Variants in DEPDC1B observed in about 807,000 individuals in gnomAD.
DEPDC1B encodes the protein DEP domain containing 1B.
Under a neutral mutation model 66.5 loss-of-function variants are expected in DEPDC1B, and 51 were observed. That is an observed-to-expected ratio of 0.77 (90% confidence interval 0.61 to 0.97). DEPDC1B has a LOEUF of 0.97. Ranked by LOEUF, DEPDC1B falls within the 50% of genes least tolerant of loss-of-function variation. The pLI is 0.00. For missense variants in DEPDC1B, 552 were observed against 637.1 expected (o/e 0.87, Z 1.44); for synonymous variants, 226 against 223.6 (o/e 1.01, Z -0.10).
chr5:60,635,799 G>A (rs1274459102), intron 7 of DEPDC1B, among the ~76,000 whole-genome samples: 2 of 152,088 alleles, frequency 1.3e-5, no homozygotes, highest in Non-Finnish European at 2.9e-5. Context: ...ACAGAAATAT[G>A]AATTCTGATG....
At chr5:60,632,444 G>A (rs1044303174) in intron 7 of DEPDC1B, among the ~76,000 whole-genome samples, 2 of 152,224 alleles carry the variant, frequency 1.3e-5, no homozygotes, top group Admixed American at 1.3e-4. Flanking sequence ...CCCAAATCCT[G>A]CAACCTCCAC....
chr5:60,691,765 G>A (rs1754551422), intron 1 of DEPDC1B, among the ~76,000 whole-genome samples: 1 of 152,092 alleles, frequency 6.6e-6, no homozygotes, highest in Admixed American at 6.5e-5. Flanking sequence ...AACTCGACAA[G>A]TCAATATCAC....
chr5:60,670,974 G>C (rs747333002), intron 2 of DEPDC1B, among the ~76,000 whole-genome samples: 1 of 151,102 alleles, frequency 6.6e-6, no homozygotes, highest in Non-Finnish European at 1.5e-5. Context: ...AGAAACACCT[G>C]TGGCACTTCC....
chr5:60,600,518 G>C (rs1752181395), intron 9 of DEPDC1B, among the ~76,000 whole-genome samples: 2 of 152,166 alleles, frequency 1.3e-5, no homozygotes, highest in African/African-American at 4.8e-5. Context: ...CCCTAAATGT[G>C]ATACAGTGTA....
At chr5:60,646,696 A>ACCAG (rs930187491) in intron 3 of DEPDC1B, among the ~76,000 whole-genome samples, 2 of 152,228 alleles carry the variant, frequency 1.3e-5, no homozygotes, top group Non-Finnish European at 2.9e-5. Context: ...CCTATAAGGA[A>ACCAG]CCAGGCTGCA....
chr5:60,629,126 C>T (rs903549355), intron 7 of DEPDC1B, among the ~76,000 whole-genome samples: 4 of 152,100 alleles, frequency 2.6e-5, no homozygotes, highest in South Asian at 2.1e-4. Context: ...ACAGCTTCTC[C>T]GGGGAGCTTT....
intron 7 of DEPDC1B, among the ~76,000 whole-genome samples, chr5:60,622,478 A>G (rs1752726147): frequency 6.6e-6 from 1 of 152,196 alleles, no homozygotes; most frequent in Non-Finnish European, 1.5e-5. Context: ...ATTGTTTCCA[A>G]TGTTTTGATA....
chr5:60,610,928 C>T (rs1752403081), intron 7 of DEPDC1B, among the ~76,000 whole-genome samples: 1 of 152,124 alleles, frequency 6.6e-6, no homozygotes, highest in Non-Finnish European at 1.5e-5. Flanking sequence ...ATAGTTGGCT[C>T]CTTGTTATAG....
chr5:60,692,218 C>G (rs1417044820), intron 1 of DEPDC1B, among the ~76,000 whole-genome samples: 2 of 152,076 alleles, frequency 1.3e-5, no homozygotes, highest in East Asian at 1.9e-4. Flanking sequence ...TCAAAAGGTA[C>G]AAAGCCTCAA....
At chr5:60,693,318 T>TG (rs1754587626) in intron 1 of DEPDC1B, among the ~76,000 whole-genome samples, 1 of 151,830 alleles carries the variant, frequency 6.6e-6, no homozygotes, top group Non-Finnish European at 1.5e-5. Flanking sequence ...AGTGAGTGGA[T>TG]GAAGGAGGGA....
chr5:60,638,096 C>A (rs1014707562), intron 7 of DEPDC1B, among the ~76,000 whole-genome samples: 2 of 152,070 alleles, frequency 1.3e-5, no homozygotes, highest in African/African-American at 4.8e-5. Context: ...GCTCTTTTGA[C>A]AAGAAAACAA....
chr5:60,651,685 G>C (rs1753459538), intron 2 of DEPDC1B, among the ~76,000 whole-genome samples: 1 of 152,162 alleles, frequency 6.6e-6, no homozygotes, highest in Non-Finnish European at 1.5e-5. Context: ...GATGCATGAA[G>C]GGCCTCAGAT....
rs562468181 is a variant in DEPDC1B, at chr5:60,599,677, A to C, written c.1243-417T>G. On this transcript the variant is annotated intron_variant, in intron 9 of 10. Transcript: ENST00000265036. The stretch of plus-strand genomic sequence containing the variant: ...GCCCACCCAGGGCGGAAAACCGCTT[A>C]AGGCATTCTTAAACCACAAACAATA... Among the ~76,000 whole-genome samples the C allele has an allele frequency of 4.8e-3, 727 of 152,354 alleles. 3 individuals are homozygous for C. The highest frequency in any genetic ancestry group is 7.4e-3 in the Non-Finnish European group (504 of 68,026).
intron 7 of DEPDC1B, among the ~76,000 whole-genome samples, chr5:60,619,566 G>C (rs1171972567): frequency 6.6e-6 from 1 of 152,088 alleles, no homozygotes; most frequent in Non-Finnish European, 1.5e-5. Context: ...AAAATACCTA[G>C]GAATCCAACT....
chr5:60,667,723 A>G (rs1753891725), intron 2 of DEPDC1B, among the ~76,000 whole-genome samples: 1 of 138,908 alleles, frequency 7.2e-6, no homozygotes. Context: ...TGGATATTTT[A>G]CATATATATA....
intron 7 of DEPDC1B, among the ~76,000 whole-genome samples, chr5:60,628,062 C>T (rs1480606752): frequency 6.6e-6 from 1 of 152,108 alleles, no homozygotes; most frequent in Non-Finnish European, 1.5e-5. Flanking sequence ...GAGACTTTTG[C>T]CATCAGGGAA....
chr5:60,677,322 A>ACTCTCTCT (rs1171843425), intron 2 of DEPDC1B, among the ~76,000 whole-genome samples: 66 of 99,614 alleles, frequency 6.6e-4, no homozygotes, highest in African/African-American at 3.5e-3. Context: ...ACACACACAC[A>ACTCTCTCT]CACACTCTCT....
At chr5:60,619,798 T>A (rs1416755908) in intron 7 of DEPDC1B, among the ~76,000 whole-genome samples, 1 of 152,146 alleles carries the variant, frequency 6.6e-6, no homozygotes, top group Non-Finnish European at 1.5e-5. Flanking sequence ...ACTTTAAAGT[T>A]CATATGGAAC....
intron 7 of DEPDC1B, 34 bp downstream of exon 7, chr5:60,638,716 G>T (rs908820537): frequency 1.0e-5 from 16 of 1,561,504 alleles, no homozygotes; most frequent in African/African-American, 2.8e-5. Flanking sequence ...CAATATCAGT[G>T]ATGTAGATAT....
Sources: gnomAD v4.1 joint callset for allele counts (sites outside exome capture counted in the v4.1 genomes callset) on GRCh38, gnomAD v4.1.1 for gene constraint, MANE v1.5 for transcripts, NCBI Gene and HGNC (gene_info 2026-07-23, HGNC 2026-07-21) for gene names.